The following BIRC7 variants were observed in gnomAD, a reference collection of about 807,000 sequenced individuals.
The protein encoded by BIRC7 is baculoviral IAP repeat-containing protein 7.
A neutral mutation model predicts 33.2 loss-of-function variants in BIRC7; 26 were observed. The observed-to-expected ratio is 0.78, with a 90% CI of 0.57 to 1.09. BIRC7 has a LOEUF of 1.09. Ranked by LOEUF, BIRC7 falls within the 50% of genes least tolerant of loss-of-function variation. The pLI is 0.00. For synonymous variants in BIRC7, 176 were observed against 171.0 expected, an observed-to-expected ratio of 1.03 and a Z score of -0.23; for missense variants, 409 against 401.2, an observed-to-expected ratio of 1.02 and a Z score of -0.17.
Position 63,236,391 on chromosome 20 carries a change from C to T in BIRC7, c.295C>T (p.Leu99=). The part of the protein sequence containing the change: ...LRLASFYDWP[L]TAEVPPELLA... ...TCTGGCCTCCTTCTATGACTGGCCG[C>T]TGACTGCTGAGGTGCCACCCGAGCT... Residue 99 remains leucine (L), a synonymous_variant, in exon 1 of 7, where the codon CTG becomes TTG. Transcript: ENST00000217169. 1.3e-6 allele frequency: 2 copies of T among 1,569,008 alleles called. No individual in the cohort carries two copies. Among genetic ancestry groups the T allele is most frequent in the Non-Finnish European group, 8.7e-7 (1 of 1,154,122 alleles).
chr20:63,239,004 G>T (rs2066711720), intron 4 of BIRC7, among the ~76,000 whole-genome samples, 158 bp from the exon 5 acceptor site: 1 of 152,208 alleles, frequency 6.6e-6, no homozygotes, highest in Non-Finnish European at 1.5e-5. Context: ...ATCCTGTTAT[G>T]CTGTGGGAGG....
Position 63,238,427 on chromosome 20 carries a change from G to A in BIRC7, c.481G>A (p.Asp161Asn), listed in dbSNP as rs753330289. The change falls in exon 3 of 7, where the codon GAC (aspartate) becomes AAC (asparagine). Residue 161 changes from aspartate (D) to asparagine (N), a missense_variant. Coordinates refer to ENST00000217169, the MANE Select transcript of BIRC7 (RefSeq NM_139317.3). ...GTTCCTGCTCCGGTCAAAAGGAAGA[G>A]ACTTTGTCCACAGTGTGCAGGAGAC... is the stretch of plus-strand genomic sequence containing the variant. ...CQFLLRSKGR[D>N]FVHSVQETHS... 1 of 1,612,262 alleles carries A rather than the reference G, an allele frequency of 6.2e-7. No homozygotes were observed. The highest frequency in any genetic ancestry group is 8.5e-7 in the Non-Finnish European group (1 of 1,179,976).
rs749536114 is a variant in BIRC7, at chr20:63,239,577, G to A, written c.869G>A (p.Arg290His). Residue 290 changes from arginine (R) to histidine (H), a missense_variant, in exon 6 of 7, where the codon CGC (arginine) becomes CAC (histidine). By Grantham distance (29) the Arg-to-His change is conservative. Coordinates refer to ENST00000217169, the MANE Select transcript of BIRC7 (RefSeq NM_139317.3). The part of the protein sequence containing the change: ...QLCPICRAPV[R>H]SRVRTFLS Reference sequence around the variant, plus strand: ...TGCCCCATCTGCAGAGCCCCCGTCCGCAGCCGCGTGCGCACCTTCCTGTCC... The same window carrying A: ...TGCCCCATCTGCAGAGCCCCCGTCCACAGCCGCGTGCGCACCTTCCTGTCC... 1.6e-5 allele frequency: 25 copies of A among 1,598,956 alleles called. No homozygotes were observed. Among genetic ancestry groups the A allele is most frequent in the South Asian group, 9.9e-5 (9 of 90,796 alleles).
intron 1 of BIRC7, among the ~76,000 whole-genome samples, chr20:63,236,861 G>C (rs2066692301): frequency 6.6e-6 from 1 of 152,264 alleles, no homozygotes; most frequent in Non-Finnish European, 1.5e-5. Flanking sequence ...GCAGGCAGTG[G>C]TCAGCCAGAA....
At chr20:63,237,135 C>T (rs2066694165) in intron 1 of BIRC7, among the ~76,000 whole-genome samples, 1 of 152,182 alleles carries the variant, frequency 6.6e-6, no homozygotes, top group African/African-American at 2.4e-5. Context: ...CAGCAGTGGG[C>T]TCTGGCGGGG....
intron 2 of BIRC7, 102 bp downstream of exon 2, chr20:63,238,104 C>T: frequency 1.7e-6 from 2 of 1,150,144 alleles, no homozygotes; most frequent in South Asian, 3.2e-5. Flanking sequence ...CCTCCCTGGC[C>T]CCACAGGGCA....
Position 63,235,988 on chromosome 20 carries a change from G to T in BIRC7, c.-109G>T. 1 of 1,368,010 alleles carries T rather than the reference G, an allele frequency of 7.3e-7. No individual in the cohort carries two copies. The highest frequency in any genetic ancestry group is 1.5e-5 in the African/African-American group (1 of 68,290). The allele number at this position is 1,368,010 out of a possible 1,614,324, so 84.7% of individuals were successfully genotyped here. On this transcript the variant is annotated 5_prime_UTR_variant, in exon 1 of 7. Coordinates refer to ENST00000217169, the MANE Select transcript of BIRC7 (RefSeq NM_139317.3). ...CTGTGCCTATCCCTGCTGTCCCCAG[G>T]GTGGGCCCCGGGGGTCAGGAGCTCC...
chr20:63,240,071 T>A (rs2066725810), intron 6 of BIRC7, among the ~76,000 whole-genome samples, 185 bp from the exon 7 acceptor site: 1 of 152,226 alleles, frequency 6.6e-6, no homozygotes, highest in Non-Finnish European at 1.5e-5. Context: ...TACCCCATAC[T>A]GGCCGAGGGA....
At position 63,238,263 on chromosome 20, in the gene BIRC7, C is replaced by T. The variant is rs577122373; in HGVS notation, c.450-133C>T. ...CCATGGAGGCGTCTCCACAGCAGCC[C>T]TCCTCGCCCATGCCCACGGGCACTG... On this transcript the variant is annotated intron_variant, in intron 2 of 6. Coordinates refer to ENST00000217169, the MANE Select transcript of BIRC7 (RefSeq NM_139317.3). 1.4e-5 allele frequency: 16 copies of T among 1,142,990 alleles called. No homozygotes were observed. The South Asian group carries it at 2.1e-4, about 15-fold the overall frequency. 70.8% of individuals were successfully genotyped at this position (1,142,990 alleles called of 1,614,324 possible). A position where few individuals can be genotyped will look rare whatever the true frequency, so the allele number is the denominator to read the frequency against.
At position 63,237,910 on chromosome 20, in the gene BIRC7, GGA is replaced by G; in HGVS notation, c.358_359del (p.Asp120GlnfsTer80). On this transcript the variant is annotated frameshift_variant, in exon 2 of 7. Coordinates refer to ENST00000217169, the MANE Select transcript of BIRC7 (RefSeq NM_139317.3). LOFTEE classifies it high-confidence loss of function. ...CATCTCTCCGCACCCCAGGCCATCA[GGA>G]CAAGGTGAGGTGCTTCTTCTGCTAT... is the stretch of plus-strand genomic sequence containing the variant. ...AAGFFHTGHQ[D>X]KVRCFFCYGG... 5 of 1,604,064 alleles carry G rather than the reference GGA, an allele frequency of 3.1e-6. No individual in the cohort carries two copies. Among genetic ancestry groups the G allele is most frequent in the Non-Finnish European group, 4.2e-6 (5 of 1,176,858 alleles).
rs751585143 is a variant in BIRC7, at chr20:63,236,458, C to CG, written c.349+20dup. 4.1e-5 allele frequency: 62 copies of CG among 1,509,458 alleles called. 1 individual carries two copies. The highest frequency in any genetic ancestry group is 3.2e-4 in the African/African-American group (23 of 72,022). The allele number at this position is 1,509,458 out of a possible 1,614,324, so 93.5% of individuals were successfully genotyped here. On this transcript the variant is annotated intron_variant, in intron 1 of 6. Coordinates refer to ENST00000217169, the MANE Select transcript of BIRC7 (RefSeq NM_139317.3). ...TTCTTCCACACAGGTCAGTCCCGGG[C>CG]GGGGGGGCCTTCCTGCCGTGGGCCT...
At chr20:63,239,084 A>C in intron 4 of BIRC7, 78 bp from the exon 5 acceptor site, 1 of 1,447,218 alleles carries the variant, frequency 6.9e-7, no homozygotes, top group Non-Finnish European at 9.6e-7. Context: ...TGGACCCCAC[A>C]GGCTGCAGAC....
intron 4 of BIRC7, 185 bp downstream of exon 4, chr20:63,238,799 G>T: frequency 1.3e-6 from 1 of 796,918 alleles, no homozygotes; most frequent in Non-Finnish European, 2.0e-6. Flanking sequence ...GGGGCGGCAG[G>T]GGCCTCCCCC....
At chr20:63,237,463 T>C (rs2066697719) in intron 1 of BIRC7, among the ~76,000 whole-genome samples, 1 of 151,974 alleles carries the variant, frequency 6.6e-6, no homozygotes, top group African/African-American at 2.4e-5. Flanking sequence ...AAGGGAGGCA[T>C]GAGTTCCTAA....
intron 2 of BIRC7, 175 bp from the exon 3 acceptor site, chr20:63,238,220 TG>T: frequency 1.1e-6 from 1 of 891,820 alleles, no homozygotes; most frequent in Non-Finnish European, 1.8e-6. Flanking sequence ...GCCTCTCCCA[TG>T]GGACTACCCT....
chr20:63,236,339 C>G lies in BIRC7; in HGVS notation c.243C>G (p.Phe81Leu). ...AGATLSRGPA[F>L]PGMGSEELRL... ...CCACCTTGTCCAGGGGGCCTGCCTT[C>G]CCCGGCATGGGCTCTGAGGAGTTGC... Residue 81 changes from phenylalanine to leucine, a missense_variant, in exon 1 of 7, where the codon TTC (phenylalanine) becomes TTG (leucine). Coordinates refer to ENST00000217169, the MANE Select transcript of BIRC7 (RefSeq NM_139317.3). 1 of 1,604,314 alleles carries G rather than the reference C, an allele frequency of 6.2e-7. No homozygotes were observed. The highest frequency in any genetic ancestry group is 1.3e-5 in the African/African-American group (1 of 74,882).
intron 1 of BIRC7, 49 bp downstream of exon 1, chr20:63,236,494 C>T (rs777650486): frequency 1.1e-4 from 167 of 1,494,782 alleles, no homozygotes; most frequent in Non-Finnish European, 1.4e-4. Flanking sequence ...GGGCACGATT[C>T]TGGACCCTTC....
intron 1 of BIRC7, 130 bp from the exon 2 acceptor site, chr20:63,237,773 C>A: frequency 1.4e-6 from 1 of 698,842 alleles, no homozygotes; most frequent in East Asian, 3.1e-5. Flanking sequence ...AGCCCCCTGC[C>A]CACCCCCTCC....
intron 2 of BIRC7, 96 bp from the exon 3 acceptor site, chr20:63,238,300 G>A (rs751918819): frequency 1.4e-6 from 2 of 1,447,076 alleles, no homozygotes; most frequent in East Asian, 4.7e-5. Context: ...AGGGTGGCGG[G>A]AGGAGGGGGC....
Sources: allele counts gnomAD v4.1 joint callset (sites outside exome capture counted in the v4.1 genomes callset), GRCh38; gene constraint gnomAD v4.1.1; transcripts MANE v1.5; gene names NCBI Gene and HGNC (gene_info 2026-07-23, HGNC 2026-07-21).